Variants in CNTLN observed in about 807,000 individuals in gnomAD.
CNTLN encodes the protein centlein, centrosomal protein.
In CNTLN, 212 loss-of-function variants were observed where a neutral mutation model predicts 180.0. The ratio of observed to expected loss-of-function variants is 1.18; its 90% CI spans 1.05 to 1.32. The LOEUF (loss-of-function observed/expected upper bound fraction) is 1.32, where lower values mean the gene tolerates loss of function less well. Among genes scored for constraint, CNTLN ranks in the 40% most tolerant of loss-of-function variants. The pLI, the probability that CNTLN is intolerant of heterozygous loss-of-function variation, is 0.00. For missense variants in CNTLN, 2,095 were observed against 1,610.9 expected, an observed-to-expected ratio of 1.30 and a Z score of -5.14; for synonymous variants, 722 against 563.1, an observed-to-expected ratio of 1.28 and a Z score of -3.99.
At chr9:17,268,601 C>T (rs541708631) in intron 5 of CNTLN, among the ~76,000 whole-genome samples, 1 of 152,176 alleles carries the variant, frequency 6.6e-6, no homozygotes, top group East Asian at 1.9e-4. Context: ...GCAGAGGTTA[C>T]TGCTGTCTTT....
intron 13 of CNTLN, among the ~76,000 whole-genome samples, chr9:17,377,507 C>T (rs1301911461): frequency 6.6e-6 from 1 of 152,126 alleles, no homozygotes; most frequent in East Asian, 1.9e-4. Flanking sequence ...CGTCATTGCA[C>T]TGCAGCCTGG....
At chr9:17,325,567 A>ACACACACACACG (rs1563995774) in intron 8 of CNTLN, among the ~76,000 whole-genome samples, 20 of 140,896 alleles carry the variant, frequency 1.4e-4, no homozygotes, top group African/African-American at 5.1e-4. Flanking sequence ...ACACACACAC[A>ACACACACACACG]CACACACACG....
At chr9:17,250,457 T>C (rs147959481) in intron 5 of CNTLN, among the ~76,000 whole-genome samples, 155 of 152,160 alleles carry the variant, frequency 1.0e-3, no homozygotes, top group Middle Eastern at 3.4e-3. Context: ...CTTTCCTTAG[T>C]TGATTTTTTC....
At chr9:17,446,458 C>G (rs954278146) in intron 18 of CNTLN, among the ~76,000 whole-genome samples, 5 of 152,198 alleles carry the variant, frequency 3.3e-5, no homozygotes, top group Admixed American at 3.3e-4. Flanking sequence ...TGATCTTTAG[C>G]CTTTGACTCT....
intron 14 of CNTLN, among the ~76,000 whole-genome samples, chr9:17,389,726 T>C (rs544791273): frequency 1.2e-3 from 63 of 54,774 alleles, no homozygotes; most frequent in Non-Finnish European, 2.8e-3. Flanking sequence ...TTGTATATAG[T>C]AGAAATGAAA....
intron 18 of CNTLN, among the ~76,000 whole-genome samples, chr9:17,416,595 T>G (rs1359376113): frequency 6.6e-6 from 1 of 152,210 alleles, no homozygotes; most frequent in Non-Finnish European, 1.5e-5. Context: ...AATATATTCA[T>G]CAGTTACTCT....
At chr9:17,272,525 A>C (rs1828024216) in intron 5 of CNTLN, among the ~76,000 whole-genome samples, 1 of 152,018 alleles carries the variant, frequency 6.6e-6, no homozygotes, top group Admixed American at 6.6e-5. Context: ...GGTTCCTGGT[A>C]CTTTTTGGTA....
At chr9:17,158,155 T>C (rs1000197844) in intron 2 of CNTLN, among the ~76,000 whole-genome samples, 7 of 152,174 alleles carry the variant, frequency 4.6e-5, no homozygotes, top group African/African-American at 1.7e-4. Flanking sequence ...ATTGAGATGA[T>C]CATGTGATTT....
At chr9:17,348,285 A>G (rs1406097388) in intron 12 of CNTLN, among the ~76,000 whole-genome samples, 1 of 152,224 alleles carries the variant, frequency 6.6e-6, no homozygotes, top group Non-Finnish European at 1.5e-5. Flanking sequence ...ATTGTAAATC[A>G]GTGATTATGT....
At chr9:17,344,709 C>T (rs10963049) in intron 12 of CNTLN, among the ~76,000 whole-genome samples, 4 of 151,922 alleles carry the variant, frequency 2.6e-5, no homozygotes, top group Admixed American at 2.6e-4. Context: ...AATATCAGTG[C>T]TATAGTCATT....
chr9:17,352,229 T>C (rs1288996801), intron 12 of CNTLN, among the ~76,000 whole-genome samples: 3 of 151,910 alleles, frequency 2.0e-5, no homozygotes, highest in Non-Finnish European at 4.4e-5. Context: ...TACTTCTCTT[T>C]GGGGTTAAAT....
intron 2 of CNTLN, among the ~76,000 whole-genome samples, chr9:17,220,149 G>T (rs1824035200): frequency 1.3e-5 from 2 of 152,056 alleles, no homozygotes; most frequent in African/African-American, 2.4e-5. Context: ...TCTAACCTGG[G>T]TGATGATGAT....
chr9:17,403,496 A>G (rs752857346), intron 15 of CNTLN, among the ~76,000 whole-genome samples: 1 of 151,434 alleles, frequency 6.6e-6, no homozygotes, highest in Non-Finnish European at 1.5e-5. Context: ...CCAGTCTCTT[A>G]GTGTCAGGTT....
chr9:17,203,963 C>CTT (rs1002634763), intron 2 of CNTLN, among the ~76,000 whole-genome samples: 87 of 152,310 alleles, frequency 5.7e-4, no homozygotes, highest in African/African-American at 1.9e-3. Flanking sequence ...GCTATTGATA[C>CTT]TTGTGTTTGC....
rs144814678 is a variant in CNTLN at position 17,380,077 on chromosome 9, C to G, written c.1988-8085C>G. 3.5e-3 allele frequency among the ~76,000 whole-genome samples: 537 copies of G among 152,238 alleles called. 1 individual carries two copies. The highest frequency in any genetic ancestry group is 0.011 in the African/African-American group (475 of 41,546). ...AGTTACAGCCACCTTTAATTAATTA[C>G]TGAGATAGTTTAAGCAAGAGGCTAA... On this transcript the variant is annotated intron_variant, in intron 13 of 25. Transcript: ENST00000380647.
rs1319701626 is a variant in CNTLN at position 17,394,862 on chromosome 9, AC to A, written c.2409del (p.Asp803GlufsTer10). The A allele has an allele frequency of 6.2e-7, 1 of 1,614,064 alleles. No homozygotes were observed. Among genetic ancestry groups the A allele is most frequent in the South Asian group, 1.1e-5 (1 of 91,082 alleles). ...ATGGAGAAATCACACCAGTCAGCAG[AC>A]AGAGCTAAATCCGAGATGGCCACCA... ...NPMEKSHQSADRAKSEMATMK... is the reference protein window; with the variant it reads ...NPMEKSHQSAXRAKSEMATMK... On this transcript the variant is annotated frameshift_variant, in exon 15 of 26. Transcript: ENST00000380647. LOFTEE classifies it high-confidence loss of function.
At chr9:17,361,548 T>A (rs1331751880) in intron 12 of CNTLN, among the ~76,000 whole-genome samples, 2 of 152,244 alleles carry the variant, frequency 1.3e-5, no homozygotes, top group African/African-American at 4.8e-5. Context: ...GAAATAAAGA[T>A]TAGCCACATA....
At chr9:17,426,298 G>C (rs547727576) in intron 18 of CNTLN, among the ~76,000 whole-genome samples, 8 of 152,274 alleles carry the variant, frequency 5.3e-5, no homozygotes, top group African/African-American at 1.9e-4. Context: ...CGGGCCCAGA[G>C]TGCAAAGGCT....
At chr9:17,328,750 A>T (rs1311210251) in intron 8 of CNTLN, among the ~76,000 whole-genome samples, 1 of 152,080 alleles carries the variant, frequency 6.6e-6, no homozygotes, top group Non-Finnish European at 1.5e-5. Flanking sequence ...TTTAAAACAC[A>T]TATTTATTTA....
Sources: gnomAD v4.1 joint callset for allele counts (sites outside exome capture counted in the v4.1 genomes callset) on GRCh38, gnomAD v4.1.1 for gene constraint, MANE v1.5 for transcripts, NCBI Gene and HGNC (gene_info 2026-07-23, HGNC 2026-07-21) for gene names.